Variants in FSTL4 observed in about 807,000 individuals in gnomAD.
FSTL4 encodes the protein follistatin like 4.
A neutral mutation model predicts 78.2 loss-of-function variants in FSTL4; 28 were observed. The observed-to-expected ratio is 0.36, with a 90% CI of 0.27 to 0.49. The LOEUF is 0.49. Among genes scored for constraint, FSTL4 ranks in the 20% least tolerant of loss-of-function variants. The pLI, the probability that FSTL4 is intolerant of heterozygous loss-of-function variation, is 0.98. For missense variants in FSTL4, 922 were observed against 1,084.9 expected (o/e 0.85, Z 2.11); for synonymous variants, 422 against 440.5 (o/e 0.96, Z 0.53).
At chr5:133,351,174 C>T (rs776025833) in intron 4 of FSTL4, among the ~76,000 whole-genome samples, 2 of 152,148 alleles carry the variant, frequency 1.3e-5, no homozygotes, top group Non-Finnish European at 2.9e-5. Flanking sequence ...AATATTATTC[C>T]ATTGTGTTCT....
the FSTL4 span, among the ~76,000 whole-genome samples, chr5:133,748,190 C>T: frequency 1.4e-5 from 2 of 146,574 alleles, no homozygotes; most frequent in African/African-American, 5.1e-5. Context: ...GAGACTCCGT[C>T]TCAAAAAAAG....
At chr5:133,549,414 A>C (rs1202272552) in intron 3 of FSTL4, among the ~76,000 whole-genome samples, 3 of 151,976 alleles carry the variant, frequency 2.0e-5, no homozygotes, top group Non-Finnish European at 4.4e-5. Flanking sequence ...CTATTTGGTT[A>C]TTTTTCAAAT....
intron 3 of FSTL4, among the ~76,000 whole-genome samples, chr5:133,451,127 A>C (rs1169239646): frequency 2.0e-5 from 3 of 152,210 alleles, no homozygotes; most frequent in African/African-American, 4.8e-5. Flanking sequence ...GTTATGGCAA[A>C]GTCCCTAGAG....
At chr5:133,554,971 G>A (rs1362159161) in intron 3 of FSTL4, among the ~76,000 whole-genome samples, 1 of 152,180 alleles carries the variant, frequency 6.6e-6, no homozygotes, top group Non-Finnish European at 1.5e-5. Context: ...AAATGCTGCA[G>A]AATCATCTGT....
At chr5:133,746,806 CA>C in the FSTL4 span, among the ~76,000 whole-genome samples, 1 of 152,254 alleles carries the variant, frequency 6.6e-6, no homozygotes, top group East Asian at 1.9e-4. Context: ...CCTAAAACAG[CA>C]AATCTAACCA....
At chr5:133,504,351 T>C (rs539859688) in intron 3 of FSTL4, among the ~76,000 whole-genome samples, 3 of 152,012 alleles carry the variant, frequency 2.0e-5, no homozygotes, top group Non-Finnish European at 4.4e-5. Flanking sequence ...TCCTCAAACA[T>C]AGGGAAAAAT....
chr5:133,647,701 C>A, the FSTL4 span, among the ~76,000 whole-genome samples: 1 of 152,186 alleles, frequency 6.6e-6, no homozygotes, highest in African/African-American at 2.4e-5. Context: ...ATCCAGAAAT[C>A]CATTCACTGT....
At chr5:133,305,266 G>C (rs1753629949) in intron 6 of FSTL4, among the ~76,000 whole-genome samples, 1 of 152,196 alleles carries the variant, frequency 6.6e-6, no homozygotes, top group African/African-American at 2.4e-5. Context: ...CTCTGGAGAG[G>C]CTGGGGAGGG....
intron 3 of FSTL4, among the ~76,000 whole-genome samples, chr5:133,429,183 C>T (rs750696267): frequency 4.6e-5 from 7 of 152,138 alleles, no homozygotes; most frequent in African/African-American, 9.7e-5. Context: ...GAAATCTGCT[C>T]GTAGGACGCC....
At chr5:133,376,615 G>A (rs1280551020) in intron 4 of FSTL4, among the ~76,000 whole-genome samples, 2 of 152,138 alleles carry the variant, frequency 1.3e-5, no homozygotes, top group Admixed American at 1.3e-4. Context: ...TATAGCACAT[G>A]AAGAAACATT....
chr5:133,748,427 TG>T, the FSTL4 span, among the ~76,000 whole-genome samples: 1 of 151,640 alleles, frequency 6.6e-6, no homozygotes, highest in African/African-American at 2.4e-5. Flanking sequence ...AAAAATTAGC[TG>T]GGCTTGGTGG....
At chr5:133,536,515 T>G (rs1044020191) in intron 3 of FSTL4, among the ~76,000 whole-genome samples, 1 of 152,268 alleles carries the variant, frequency 6.6e-6, no homozygotes, top group South Asian at 2.1e-4. Context: ...TACTTTATTA[T>G]TATAATCAAT....
rs143709477 is a variant in FSTL4 at position 133,424,570 on chromosome 5, C to T, written c.161-23584G>A. Among the ~76,000 whole-genome samples the T allele has an allele frequency of 2.3e-4, 35 of 152,272 alleles. No individual in the cohort carries two copies. In the East Asian group the frequency reaches 3.7e-3, roughly 16 times the overall value. ...CGACTTCCCTGGTTGTGCTGTCCCA[C>T]GGCGTCTCCAGGTTGGTGACACTCA... On this transcript the variant is annotated intron_variant, in intron 3 of 15. Transcript: ENST00000265342.
At chr5:133,519,885 T>C (rs960714951) in intron 3 of FSTL4, among the ~76,000 whole-genome samples, 1 of 152,206 alleles carries the variant, frequency 6.6e-6, no homozygotes, top group Non-Finnish European at 1.5e-5. Context: ...GATGTAGGTG[T>C]CACCCTAGCA....
At chr5:133,298,070 T>C (rs544137374) in intron 6 of FSTL4, among the ~76,000 whole-genome samples, 20 of 152,336 alleles carry the variant, frequency 1.3e-4, no homozygotes, top group African/African-American at 4.8e-4. Context: ...GCTGAACTCC[T>C]GGGTTCAAAC....
intron 6 of FSTL4, among the ~76,000 whole-genome samples, chr5:133,303,914 C>T (rs1753603426): frequency 6.6e-6 from 1 of 152,216 alleles, no homozygotes; most frequent in Non-Finnish European, 1.5e-5. Context: ...AAGGGCAGTG[C>T]TGGCAGGCCA....
the FSTL4 span, among the ~76,000 whole-genome samples, chr5:133,778,557 A>T: frequency 9.9e-5 from 15 of 152,200 alleles, no homozygotes; most frequent in Non-Finnish European, 1.3e-4. Context: ...AGGGTCCTCA[A>T]GAGAGCTTGT....
chr5:133,783,273 T>C, the FSTL4 span, among the ~76,000 whole-genome samples: 1 of 152,150 alleles, frequency 6.6e-6, no homozygotes, highest in African/African-American at 2.4e-5. Flanking sequence ...AATATGGACA[T>C]GACTCCAACC....
Position 133,610,890 on chromosome 5 carries a change from C to T in FSTL4, c.-11+1435G>A, listed in dbSNP as rs544191654. 5.3e-5 allele frequency among the ~76,000 whole-genome samples: 8 copies of T among 152,282 alleles called. No individual in the cohort carries two copies. The South Asian group carries it at 1.7e-3, about 32-fold the overall frequency. On this transcript the variant is annotated intron_variant, in intron 1 of 15. Transcript: ENST00000265342. Reference sequence around the variant, plus strand: ...TCACAGATTGTGACACAGGCCCATTCCCGGTGAACATTTTGGCTGGCAGTT... The same window carrying T: ...TCACAGATTGTGACACAGGCCCATTTCCGGTGAACATTTTGGCTGGCAGTT...
Sources: gnomAD v4.1 joint callset for allele counts (sites outside exome capture counted in the v4.1 genomes callset) on GRCh38, gnomAD v4.1.1 for gene constraint, MANE v1.5 for transcripts, NCBI Gene and HGNC (gene_info 2026-07-23, HGNC 2026-07-21) for gene names.